Variants in FOXJ3 observed in about 807,000 individuals in gnomAD.
FOXJ3 encodes the protein forkhead box J3, also known as forkhead box protein J3.
In FOXJ3, 22 loss-of-function variants were observed where a neutral mutation model predicts 76.1. That is an observed-to-expected ratio of 0.29 (90% CI 0.21 to 0.41). FOXJ3 has a LOEUF of 0.41. Ranked by LOEUF, FOXJ3 falls within the 10% of genes least tolerant of loss-of-function variation. The pLI, the probability that FOXJ3 is intolerant of heterozygous loss-of-function variation, is 1.00. For missense variants in FOXJ3, 613 were observed against 762.1 expected, an observed-to-expected ratio of 0.80 and a Z score of 2.30; for synonymous variants, 269 against 261.2, an observed-to-expected ratio of 1.03 and a Z score of -0.29.
intron 4 of FOXJ3, among the ~76,000 whole-genome samples, chr1:42,235,572 T>G (rs374915632): frequency 2.1e-4 from 32 of 151,052 alleles, no homozygotes; most frequent in East Asian, 1.4e-3. Context: ...GTTTTTTTGT[T>G]TTTTTTTTGA....
chr1:42,275,380 T>G (rs1205638641), intron 3 of FOXJ3, among the ~76,000 whole-genome samples: 7 of 152,196 alleles, frequency 4.6e-5, no homozygotes, highest in Non-Finnish European at 5.9e-5. Flanking sequence ...TGTTAATTCC[T>G]ATGTAAGAAT....
At chr1:42,191,811 T>C (rs1320909078) in intron 8 of FOXJ3, 92 bp from the exon 9 acceptor site, 4 of 1,364,014 alleles carry the variant, frequency 2.9e-6, no homozygotes, top group South Asian at 2.7e-5. Flanking sequence ...AAGCATATGA[T>C]GCCAGGAAGC....
rs1309917730 is a variant in FOXJ3, at chr1:42,178,246, G to GT, written c.*1463dup. 1.3e-5 allele frequency: 2 copies of GT among 152,188 alleles called. No individual in the cohort carries two copies. Among genetic ancestry groups the GT allele is most frequent in the Non-Finnish European group, 2.9e-5 (2 of 68,028 alleles). 9.4% of individuals were successfully genotyped at this position (152,188 alleles called of 1,614,324 possible). ...ATTAAACACTGAAGCAAATAAAACT[G>GT]TAAGTGGCTCTATCCTCCTTTCAAG... On this transcript the variant is annotated 3_prime_UTR_variant, in exon 13 of 13. Coordinates refer to ENST00000361346, the MANE Select transcript of FOXJ3 (RefSeq NM_014947.5).
chr1:42,179,520 A>G lies in FOXJ3; in HGVS notation c.*190T>C. The G allele has an allele frequency of 2.4e-6, 1 of 424,082 alleles. No individual in the cohort carries two copies. The highest frequency in any genetic ancestry group is 4.3e-6 in the Non-Finnish European group (1 of 234,146). The allele number at this position is 424,082 out of a possible 1,614,324, so 26.3% of individuals were successfully genotyped here. ...GCAGCTGGCAGGGAGACAAACATGT[A>G]GTACTTGCTTGGGTCAGATAAAAGC... is the stretch of plus-strand genomic sequence containing the variant. On this transcript the variant is annotated 3_prime_UTR_variant, in exon 13 of 13. Transcript: ENST00000361346.
chr1:42,195,031 A>C lies in FOXJ3; in HGVS notation c.793T>G (p.Leu265Val). 1 of 1,610,682 alleles carries C rather than the reference A, an allele frequency of 6.2e-7. No individual in the cohort carries two copies. The highest frequency in any genetic ancestry group is 1.1e-5 in the South Asian group (1 of 90,054). ...TACTGTGGTTGCTGCTGAGGAGTTA[A>C]TGATTGAGAGACTGATTCTGGATGG... ...TSHPESVSQS[L>V]TPQQQPQYNL... The change falls in exon 8 of 13, where the codon TTA becomes GTA. Residue 265 changes from leucine to valine, a missense_variant. By Grantham distance (32) the Leu-to-Val change is conservative. Transcript: ENST00000361346.
chr1:42,236,432 A>C (rs896561282), intron 4 of FOXJ3, among the ~76,000 whole-genome samples: 18 of 152,182 alleles, frequency 1.2e-4, no homozygotes, highest in African/African-American at 4.3e-4. Context: ...CCGGCCTCTA[A>C]GTATCTTCCC....
At chr1:42,184,686 C>T (rs1266145194) in intron 11 of FOXJ3, among the ~76,000 whole-genome samples, 1 of 151,866 alleles carries the variant, frequency 6.6e-6, no homozygotes, top group Non-Finnish European at 1.5e-5. Flanking sequence ...ATGTAACATG[C>T]TATGGAAAAA....
At chr1:42,280,697 C>T (rs1652645283) in intron 2 of FOXJ3, among the ~76,000 whole-genome samples, 1 of 152,140 alleles carries the variant, frequency 6.6e-6, no homozygotes, top group Admixed American at 6.5e-5. Flanking sequence ...GAGCCCAGAT[C>T]TCCTGATACC....
intron 2 of FOXJ3, 85 bp downstream of exon 2, chr1:42,310,964 CT>C: frequency 1.3e-6 from 1 of 776,700 alleles, no homozygotes; most frequent in Non-Finnish European, 2.1e-6. Context: ...TGAATCTCAC[CT>C]TCAAATTCAT....
chr1:42,254,789 G>A (rs1296614979), intron 4 of FOXJ3, among the ~76,000 whole-genome samples: 1 of 141,970 alleles, frequency 7.0e-6, no homozygotes. Flanking sequence ...ACAGGAAGGG[G>A]AACATCACAC....
At chr1:42,285,171 G>T (rs2124691205) in intron 2 of FOXJ3, among the ~76,000 whole-genome samples, 1 of 152,104 alleles carries the variant, frequency 6.6e-6, no homozygotes, top group African/African-American at 2.4e-5. Context: ...TGTTACATAG[G>T]TAAACGTGTG....
chr1:42,285,538 A>G (rs1652998280), intron 2 of FOXJ3, among the ~76,000 whole-genome samples: 1 of 152,168 alleles, frequency 6.6e-6, no homozygotes, highest in African/African-American at 2.4e-5. Flanking sequence ...AAACTGCAAA[A>G]GTCTCTTAAG....
At position 42,237,702 on chromosome 1, in the gene FOXJ3, C is replaced by G. The variant is rs571794661; in HGVS notation, c.445-9736G>C. Among the ~76,000 whole-genome samples the G allele has an allele frequency of 2.6e-4, 40 of 151,544 alleles. 1 individual carries two copies. In the South Asian group the frequency reaches 7.7e-3, roughly 29 times the overall value. On this transcript the variant is annotated intron_variant, in intron 4 of 12. Transcript: ENST00000361346. ...ATCTTTTTTTTTAAATTTGCCTACTCCAAGATAGCAAATATATTCTCCATT... is the reference window on the plus strand; with the variant it reads ...ATCTTTTTTTTTAAATTTGCCTACTGCAAGATAGCAAATATATTCTCCATT...
At chr1:42,279,168 G>T (rs1652511545) in intron 2 of FOXJ3, among the ~76,000 whole-genome samples, 2 of 152,180 alleles carry the variant, frequency 1.3e-5, no homozygotes, top group Admixed American at 1.3e-4. Flanking sequence ...TGAGAAACTG[G>T]CATAGGAATC....
rs1404652699 is a variant in FOXJ3 at position 42,278,375 on chromosome 1, A to G, written c.342T>C (p.Tyr114=). ...TCCAACCACTGCCAGCCTCTCTATA[A>G]TATGGGAAGTTATCACAAATCCACT... ...IYQWICDNFP[Y]YREAGSGWKN... is the part of the protein sequence containing the mutation. Residue 114 remains tyrosine (Y), a synonymous_variant, in exon 3 of 13, where the codon TAT becomes TAC. Transcript: ENST00000361346. 1.9e-6 allele frequency: 3 copies of G among 1,613,250 alleles called. No homozygotes were observed. Among genetic ancestry groups the G allele is most frequent in the African/African-American group, 2.7e-5 (2 of 74,900 alleles).
intron 11 of FOXJ3, 102 bp downstream of exon 11, chr1:42,188,635 A>G: frequency 1.6e-6 from 1 of 641,638 alleles, no homozygotes; most frequent in Non-Finnish European, 2.5e-6. Context: ...TTGTAAACAG[A>G]TCACTGTCAC....
At chr1:42,229,108 C>G (rs1359157278) in intron 4 of FOXJ3, among the ~76,000 whole-genome samples, 1 of 152,098 alleles carries the variant, frequency 6.6e-6, no homozygotes, top group African/African-American at 2.4e-5. Context: ...TAATACCTAC[C>G]ATACCAATGA....
At chr1:42,228,731 A>G (rs539146159) in intron 4 of FOXJ3, among the ~76,000 whole-genome samples, 1 of 152,302 alleles carries the variant, frequency 6.6e-6, no homozygotes, top group South Asian at 2.1e-4. Flanking sequence ...CTGGATTTTT[A>G]GCTCTTTTTC....
In FOXJ3 at chr1:42,296,887, T is replaced by C. The variant is rs551658258; in HGVS notation, c.44+14163A>G. ...AATTTCATTGAATCTGTAGATTGCTTTGAATAGTATGGTCATTTTTGTGAT... is the reference window on the plus strand; with the variant it reads ...AATTTCATTGAATCTGTAGATTGCTCTGAATAGTATGGTCATTTTTGTGAT... On this transcript the variant is annotated intron_variant, in intron 2 of 12. Transcript: ENST00000361346. Among the ~76,000 whole-genome samples the C allele has an allele frequency of 9.8e-4, 150 of 152,294 alleles. 1 individual carries two copies. The highest frequency in any genetic ancestry group is 3.6e-3 in the African/African-American group (148 of 41,566).
Sources: gnomAD v4.1 joint callset for allele counts (sites outside exome capture counted in the v4.1 genomes callset) on GRCh38, gnomAD v4.1.1 for gene constraint, MANE v1.5 for transcripts, NCBI Gene and HGNC (gene_info 2026-07-23, HGNC 2026-07-21) for gene names.